FOXP1: variants seen among roughly 807,000 people sequenced by gnomAD.
FOXP1 encodes the protein forkhead box protein P1.
In FOXP1, 15 loss-of-function variants were observed where a neutral mutation model predicts 98.2. That is an observed-to-expected ratio of 0.15 (90% CI 0.10 to 0.24). The LOEUF is 0.24. FOXP1 is among the 10% of genes least tolerant of loss of function. The pLI, the probability that FOXP1 is intolerant of heterozygous loss-of-function variation, is 1.00. For synonymous variants in FOXP1, 371 were observed against 314.5 expected, an observed-to-expected ratio of 1.18 and a Z score of -1.90; for missense variants, 633 against 848.5, an observed-to-expected ratio of 0.75 and a Z score of 3.15.
chr3:71,322,786 C>T (rs994975650), intron 4 of FOXP1, among the ~76,000 whole-genome samples: 1 of 152,088 alleles, frequency 6.6e-6, no homozygotes, highest in African/African-American at 2.4e-5. Context: ...AACAGAGATG[C>T]GGATGCAGTA....
At chr3:71,143,265 A>G (rs1285838153) in intron 6 of FOXP1, among the ~76,000 whole-genome samples, 2 of 152,162 alleles carry the variant, frequency 1.3e-5, no homozygotes, top group Non-Finnish European at 2.9e-5. Flanking sequence ...ACAAATACGG[A>G]ATTGTCCTTG....
chr3:70,977,578 T>A (rs2037828968), intron 16 of FOXP1, 65 bp downstream of exon 16: 2 of 1,332,480 alleles, frequency 1.5e-6, no homozygotes. Flanking sequence ...ATCTACTTCA[T>A]CAATATATAT....
intron 11 of FOXP1, among the ~76,000 whole-genome samples, chr3:71,035,044 T>C (rs2047398037): frequency 6.6e-6 from 1 of 152,144 alleles, no homozygotes. Context: ...ACACACAGCT[T>C]CCATTGCTTC....
At chr3:71,518,250 G>A (rs974543364) in intron 2 of FOXP1, among the ~76,000 whole-genome samples, 1 of 152,002 alleles carries the variant, frequency 6.6e-6, no homozygotes, top group Non-Finnish European at 1.5e-5. Context: ...CAGATCACCA[G>A]CAGCAAAAAG....
At chr3:71,035,132 A>C (rs1034781937) in intron 11 of FOXP1, among the ~76,000 whole-genome samples, 3 of 152,220 alleles carry the variant, frequency 2.0e-5, no homozygotes, top group Non-Finnish European at 4.4e-5. Flanking sequence ...GGGCAGGGCC[A>C]GAGACTGAGT....
chr3:71,523,345 C>T (rs749925814), intron 2 of FOXP1, among the ~76,000 whole-genome samples: 6 of 152,140 alleles, frequency 3.9e-5, no homozygotes, highest in Non-Finnish European at 7.4e-5. Context: ...GGCAGGGGGA[C>T]AATAATTTAC....
At chr3:71,515,638 G>A (rs1432478297) in intron 2 of FOXP1, among the ~76,000 whole-genome samples, 2 of 151,926 alleles carry the variant, frequency 1.3e-5, no homozygotes, top group African/African-American at 2.4e-5. Context: ...GGGAGGGAGG[G>A]GGAGGAGAAA....
chr3:71,531,243 C>G (rs1393082387), intron 2 of FOXP1, among the ~76,000 whole-genome samples: 1 of 152,218 alleles, frequency 6.6e-6, no homozygotes, highest in Non-Finnish European at 1.5e-5. Context: ...TCCCTGGACC[C>G]TGATGAGATG....
intron 5 of FOXP1, among the ~76,000 whole-genome samples, chr3:71,238,348 T>C (rs2066967051): frequency 6.6e-6 from 1 of 152,172 alleles, no homozygotes; most frequent in East Asian, 1.9e-4. Context: ...AAACAGAGTA[T>C]GTAAAGTGCC....
intron 2 of FOXP1, among the ~76,000 whole-genome samples, chr3:71,510,666 G>A (rs1468618019): frequency 6.6e-6 from 1 of 152,140 alleles, no homozygotes; most frequent in East Asian, 1.9e-4. Flanking sequence ...TGCAGAGGGG[G>A]CTGATGCCTA....
intron 2 of FOXP1, among the ~76,000 whole-genome samples, chr3:71,512,603 G>A (rs1325473324): frequency 6.6e-6 from 1 of 152,108 alleles, no homozygotes; most frequent in Non-Finnish European, 1.5e-5. Context: ...AACTTTTCCT[G>A]GGTGACAAAA....
chr3:71,167,050 A>G (rs1194662164), intron 6 of FOXP1, among the ~76,000 whole-genome samples: 1 of 152,006 alleles, frequency 6.6e-6, no homozygotes, highest in Non-Finnish European at 1.5e-5. Flanking sequence ...TATTCCAGGC[A>G]CATCTCCGCA....
At chr3:71,166,137 C>T (rs2061387250) in intron 6 of FOXP1, among the ~76,000 whole-genome samples, 1 of 152,122 alleles carries the variant, frequency 6.6e-6, no homozygotes, top group South Asian at 2.1e-4. Context: ...CCTCCTTGGC[C>T]CACTTGCCAT....
intron 3 of FOXP1, among the ~76,000 whole-genome samples, chr3:71,396,188 C>T (rs540520335): frequency 1.3e-5 from 2 of 152,192 alleles, no homozygotes; most frequent in Non-Finnish European, 2.9e-5. Flanking sequence ...ACCTTGAGTG[C>T]TGGAACAGTA....
intron 6 of FOXP1, among the ~76,000 whole-genome samples, chr3:71,142,736 C>T (rs1182553595): frequency 6.6e-6 from 1 of 152,188 alleles, no homozygotes; most frequent in East Asian, 1.9e-4. Flanking sequence ...CACTTGCCTC[C>T]CTATTCTCTG....
At chr3:71,551,085 C>T (rs1234677624) in intron 2 of FOXP1, among the ~76,000 whole-genome samples, 2 of 152,308 alleles carry the variant, frequency 1.3e-5, no homozygotes, top group Admixed American at 6.5e-5. Context: ...TTATGCACTT[C>T]TGAATGAGAT....
At chr3:71,411,012 C>T (rs543685449) in intron 3 of FOXP1, among the ~76,000 whole-genome samples, 83 of 152,244 alleles carry the variant, frequency 5.5e-4, no homozygotes, top group African/African-American at 1.9e-3. Context: ...GTTATTAGGG[C>T]TTTCTTTAGG....
chr3:71,520,084 A>C (rs1246065985), intron 2 of FOXP1, among the ~76,000 whole-genome samples: 1 of 152,276 alleles, frequency 6.6e-6, no homozygotes, highest in Non-Finnish European at 1.5e-5. Flanking sequence ...AAGAAAGTGC[A>C]TGAGCATACA....
chr3:70,964,004 A>G (rs2034182617), intron 20 of FOXP1, among the ~76,000 whole-genome samples: 1 of 152,220 alleles, frequency 6.6e-6, no homozygotes, highest in Admixed American at 6.5e-5. Context: ...TTTGCATCAT[A>G]GCAGGGTAAT....
Sources: allele counts gnomAD v4.1 joint callset (sites outside exome capture counted in the v4.1 genomes callset), GRCh38; gene constraint gnomAD v4.1.1; transcripts MANE v1.5; gene names NCBI Gene and HGNC (gene_info 2026-07-23, HGNC 2026-07-21).